The following ZNF516 variants were observed in gnomAD, a reference collection of about 807,000 sequenced individuals.
The protein encoded by ZNF516 is zinc finger protein 516.
ZNF516 carries 19 observed loss-of-function variants against 79.7 expected under a neutral mutation model. The ratio of observed to expected loss-of-function variants is 0.24; its 90% CI spans 0.17 to 0.35. ZNF516 has a LOEUF of 0.35. Among genes scored for constraint, ZNF516 ranks in the 10% least tolerant of loss-of-function variants. The pLI, the probability that ZNF516 is intolerant of heterozygous loss-of-function variation, is 1.00. For missense variants in ZNF516, 1,678 were observed against 1,679.5 expected (o/e 1.00, Z 0.02); for synonymous variants, 877 against 739.5 (o/e 1.19, Z -3.02).
chr18:76,406,328 G>A (rs2075304199), intron 3 of ZNF516, among the ~76,000 whole-genome samples: 1 of 152,324 alleles, frequency 6.6e-6, no homozygotes, highest in East Asian at 1.9e-4. Context: ...AACTCTGGGA[G>A]GCCGAGACAG....
intron 2 of ZNF516, among the ~76,000 whole-genome samples, chr18:76,447,250 G>T (rs767569101): frequency 1.3e-5 from 2 of 152,242 alleles, no homozygotes; most frequent in Non-Finnish European, 2.9e-5. Flanking sequence ...CCAATTAGGA[G>T]GATTATTGGG....
intron 3 of ZNF516, among the ~76,000 whole-genome samples, chr18:76,435,751 T>C (rs373399914): frequency 6.6e-6 from 1 of 152,224 alleles, no homozygotes; most frequent in African/African-American, 2.4e-5. Context: ...TCTCTCCAGG[T>C]AGAGCCCTGG....
chr18:76,473,903 T>TGTGTGG (rs58634236), intron 1 of ZNF516, among the ~76,000 whole-genome samples: 127 of 54,150 alleles, frequency 2.3e-3, no homozygotes, highest in South Asian at 0.021. Flanking sequence ...TGTTTTTGTG[T>TGTGTGG]GGGGGGGGGG....
At chr18:76,367,622 G>GCC in intron 6 of ZNF516, among the ~76,000 whole-genome samples, 1 of 152,056 alleles carries the variant, frequency 6.6e-6, no homozygotes, top group East Asian at 1.9e-4. Flanking sequence ...CCATCCCTCC[G>GCC]CCCCTCCATA....
chr18:76,481,135 G>A (rs770619515), intron 1 of ZNF516, among the ~76,000 whole-genome samples: 2 of 152,208 alleles, frequency 1.3e-5, no homozygotes, highest in Non-Finnish European at 1.5e-5. Context: ...AGGATCCAAG[G>A]CCACTGAGCC....
rs746019882 is a variant in ZNF516, at chr18:76,371,530, T to C, written c.3301A>G (p.Ile1101Val). Residue 1101 changes from isoleucine to valine, a missense_variant, in exon 5 of 7, where the codon ATC (isoleucine) becomes GTC (valine). By Grantham distance (29) the Ile-to-Val change is conservative. Coordinates refer to ENST00000443185, the MANE Select transcript of ZNF516 (RefSeq NM_014643.4). Reference protein sequence around the residue: ...TQARPGEFVCIECGKSFHQPG... With the variant: ...TQARPGEFVCVECGKSFHQPG... ...TGGTGGAAGCTCTTTCCGCACTCGA[T>C]GCAGACGAACTCTCCTGGCCGGGCC... 33 of 1,610,924 alleles carry C rather than the reference T, an allele frequency of 2.0e-5. No homozygotes were observed. The South Asian group carries it at 3.6e-4, about 18-fold the overall frequency.
chr18:76,444,837 G>C (rs577876575), intron 2 of ZNF516, among the ~76,000 whole-genome samples: 1 of 152,304 alleles, frequency 6.6e-6, no homozygotes, highest in South Asian at 2.1e-4. Context: ...TGAAAAGACA[G>C]ACCCCATGCT....
intron 3 of ZNF516, chr18:76,387,332 G>A (rs1440339470): frequency 6.6e-6 from 1 of 152,240 alleles, no homozygotes; most frequent in Non-Finnish European, 1.5e-5. Flanking sequence ...CACCCGCTTT[G>A]CTTTTCCAAT....
rs772056207 is a variant in ZNF516 at position 76,379,723 on chromosome 18, G to A, written c.2391C>T (p.Pro797=). The A allele has an allele frequency of 5.6e-6, 9 of 1,613,736 alleles. No individual in the cohort carries two copies. Among genetic ancestry groups the A allele is most frequent in the Admixed American group, 1.7e-5 (1 of 60,008 alleles). Residue 797 remains proline (P), a synonymous_variant, in exon 4 of 7, where the codon CCC becomes CCT. Transcript: ENST00000443185. Reference sequence around the variant, plus strand: ...TGCTTCTGATGCTTTTGTAACCATTGGGCTGAATCCACGGGGGAGCCACGG... The same window carrying A: ...TGCTTCTGATGCTTTTGTAACCATTAGGCTGAATCCACGGGGGAGCCACGG... ...CNSVAPPWIQ[P]NGYKSIRSNL...
chr18:76,475,221 A>C (rs1282842887), intron 1 of ZNF516, among the ~76,000 whole-genome samples: 1 of 152,238 alleles, frequency 6.6e-6, no homozygotes, highest in Non-Finnish European at 1.5e-5. Flanking sequence ...TCACTGGATA[A>C]TGTGACGAAG....
intron 6 of ZNF516, among the ~76,000 whole-genome samples, chr18:76,369,013 T>C (rs1386465888): frequency 6.6e-6 from 1 of 152,190 alleles, no homozygotes; most frequent in Non-Finnish European, 1.5e-5. Flanking sequence ...AGCCAGGTCT[T>C]TGGTGGGTTG....
Position 76,451,227 on chromosome 18 carries a change from C to T in ZNF516, c.-157-8016G>A, listed in dbSNP as rs575494569. Among the ~76,000 whole-genome samples the T allele has an allele frequency of 2.0e-5, 3 of 152,292 alleles. No individual in the cohort carries two copies. The South Asian group carries it at 6.2e-4, about 32-fold the overall frequency. ...TCTGGTTCATGAATTAACCTTATCG[C>T]GGTCCCGAAACAGCCCTGGCTCCCC... On this transcript the variant is annotated intron_variant, in intron 2 of 6. Transcript: ENST00000443185. This position sits in a 1 kb window ranked among gnomAD's most constrained non-coding sequence, Gnocchi z 6.0.
upstream of ZNF516, chr18:76,496,286 G>T: frequency 7.8e-7 from 1 of 1,289,116 alleles, no homozygotes; most frequent in African/African-American, 1.5e-5. Flanking sequence ...CAGGCTCCTG[G>T]CCGTATTGTT....
chr18:76,483,205 A>G (rs1914627713), intron 1 of ZNF516, among the ~76,000 whole-genome samples: 1 of 152,124 alleles, frequency 6.6e-6, no homozygotes, highest in Non-Finnish European at 1.5e-5. Flanking sequence ...AGACTCCTCC[A>G]GGAGGTGTTT....
chr18:76,397,466 A>G (rs1599179750), intron 3 of ZNF516, among the ~76,000 whole-genome samples: 1 of 149,940 alleles, frequency 6.7e-6, no homozygotes, highest in Non-Finnish European at 1.5e-5. Context: ...ATACCCCAAG[A>G]TGTTTATTCT....
chr18:76,486,852 C>T (rs984187457), intron 1 of ZNF516, among the ~76,000 whole-genome samples: 10 of 152,234 alleles, frequency 6.6e-5, no homozygotes, highest in African/African-American at 2.4e-4. Flanking sequence ...ATAGACTTTA[C>T]TTACTTCCTG....
intron 3 of ZNF516, among the ~76,000 whole-genome samples, chr18:76,389,730 C>T (rs1453762417): frequency 1.3e-5 from 2 of 152,092 alleles, no homozygotes; most frequent in Non-Finnish European, 2.9e-5. Context: ...CTTCTTGAAA[C>T]AAAAATGCTT....
At chr18:76,452,466 A>G (rs1474693541) in intron 2 of ZNF516, among the ~76,000 whole-genome samples, 1 of 152,208 alleles carries the variant, frequency 6.6e-6, no homozygotes, top group Non-Finnish European at 1.5e-5. Flanking sequence ...CTGATCCTTT[A>G]AGCACAGCCT....
intron 1 of ZNF516, chr18:76,490,252 C>T: frequency 2.1e-6 from 2 of 963,432 alleles, no homozygotes; most frequent in Non-Finnish European, 2.5e-6. Context: ...GACACCACGG[C>T]AGGCTCCTAC....
Sources: allele counts gnomAD v4.1 joint callset (sites outside exome capture counted in the v4.1 genomes callset), GRCh38; gene constraint gnomAD v4.1.1; non-coding constraint Gnocchi (gnomAD v3.1); transcripts MANE v1.5; gene names NCBI Gene and HGNC (gene_info 2026-07-23, HGNC 2026-07-21).